Variants in MVB12B observed in about 807,000 individuals in gnomAD.
MVB12B encodes the protein ESCRT-I complex subunit MVB12B.
MVB12B carries 16 observed loss-of-function variants against 41.6 expected under a neutral mutation model. That is an observed-to-expected ratio of 0.38 (90% CI 0.26 to 0.58). The LOEUF (loss-of-function observed/expected upper bound fraction) is 0.58, where lower values mean the gene tolerates loss of function less well. MVB12B is among the 20% of genes least tolerant of loss of function. MVB12B has a pLI of 0.62. For synonymous variants in MVB12B, 133 were observed against 139.7 expected (o/e 0.95, Z 0.34); for missense variants, 274 against 380.2 (o/e 0.72, Z 2.32).
At chr9:126,494,040 G>A (rs1378248395) in intron 9 of MVB12B, among the ~76,000 whole-genome samples, 1 of 152,048 alleles carries the variant, frequency 6.6e-6, no homozygotes, top group Non-Finnish European at 1.5e-5. Context: ...ATGGAAGTTT[G>A]TAGTTTCAAT....
chr9:126,369,251 C>T (rs1294736576), intron 2 of MVB12B, among the ~76,000 whole-genome samples: 1 of 152,188 alleles, frequency 6.6e-6, no homozygotes, highest in Non-Finnish European at 1.5e-5. Flanking sequence ...GTAGCAACTC[C>T]ATTCCTTATG....
intron 2 of MVB12B, among the ~76,000 whole-genome samples, chr9:126,374,457 G>A (rs887290392): frequency 1.3e-5 from 2 of 152,232 alleles, no homozygotes; most frequent in Non-Finnish European, 1.5e-5. Flanking sequence ...ATCATCCTCT[G>A]TGACTGCTGC....
intron 6 of MVB12B, among the ~76,000 whole-genome samples, chr9:126,398,663 C>G (rs1158118873): frequency 6.6e-6 from 1 of 152,136 alleles, no homozygotes; most frequent in African/African-American, 2.4e-5. Flanking sequence ...GACGCAGCGC[C>G]CTCTACTGCC....
rs1830802459 is a variant in MVB12B, at chr9:126,386,631, A to C, written c.382A>C (p.Ile128Leu). Residue 128 changes from isoleucine (I) to leucine (L), a missense_variant, in exon 4 of 10, where the codon ATC (isoleucine) becomes CTC (leucine). Ile to Leu is a conservative substitution (Grantham distance 5). Transcript: ENST00000361171. The surrounding 1 kb of genome is among the most constrained non-coding windows in gnomAD (Gnocchi z 4.3). ...DIKDTLPVGF[I>L]PIQETVDTQE... ...CAAGGACACACTGCCTGTGGGCTTC[A>C]TCCCAATTCAGGAGACGGTGGACAC... is the stretch of plus-strand genomic sequence containing the variant. 1 of 1,613,852 alleles carries C rather than the reference A, an allele frequency of 6.2e-7. No homozygotes were observed. Among genetic ancestry groups the C allele is most frequent in the Non-Finnish European group, 8.5e-7 (1 of 1,179,858 alleles).
intron 1 of MVB12B, among the ~76,000 whole-genome samples, chr9:126,334,419 G>A (rs1337567281): frequency 6.6e-6 from 1 of 152,270 alleles, no homozygotes; most frequent in Non-Finnish European, 1.5e-5. Flanking sequence ...CAAGACCCAT[G>A]TGAAAGTCAG....
chr9:126,470,685 AT>A lies in MVB12B; in HGVS notation c.758-10682del, dbSNP rs1322172077. Among the ~76,000 whole-genome samples the A allele has an allele frequency of 3.4e-5, 5 of 146,410 alleles. No homozygotes were observed. In the East Asian group the frequency reaches 1.1e-3, roughly 31 times the overall value. Reference sequence around the variant, plus strand: ...GTGTGTGTGTGTGTGTGTAATCCAGATTGCTCATGCCAAATAGAACCTCTAA... The same window carrying A: ...GTGTGTGTGTGTGTGTGTAATCCAGATGCTCATGCCAAATAGAACCTCTAA... On this transcript the variant is annotated intron_variant, in intron 7 of 9. Transcript: ENST00000361171.
chr9:126,460,097 A>G (rs1009114403), intron 7 of MVB12B, among the ~76,000 whole-genome samples: 6 of 152,144 alleles, frequency 3.9e-5, no homozygotes, highest in Admixed American at 1.3e-4. Flanking sequence ...GGGGTCCCCA[A>G]ATCAGTTGAC....
chr9:126,326,960 CG>C lies in MVB12B; in HGVS notation c.34del (p.Asp12ThrfsTer57). MRSCFCVRRS[R>X]DPPPPQPPPP... ...AAGCTGCTTCTGCGTGAGACGGAGC[CG>C]GGACCCGCCGCCGCCGCAGCCACCG... On this transcript the variant is annotated frameshift_variant, in exon 1 of 10. Coordinates refer to ENST00000361171, the MANE Select transcript of MVB12B (RefSeq NM_033446.3). LOFTEE classifies it high-confidence loss of function. 7.5e-6 allele frequency: 2 copies of C among 265,758 alleles called. No homozygotes were observed. Among genetic ancestry groups the C allele is most frequent in the South Asian group, 3.1e-5 (1 of 31,946 alleles). 16.5% of individuals were successfully genotyped at this position (265,758 alleles called of 1,614,324 possible). A position where few individuals can be genotyped will look rare whatever the true frequency, so the allele number is the denominator to read the frequency against.
In MVB12B at chr9:126,468,285, A is replaced by G. The variant is rs1564342125; in HGVS notation, c.758-13084A>G. Among the ~76,000 whole-genome samples the G allele has an allele frequency of 6.6e-6, 1 of 151,760 alleles. No homozygotes were observed. The highest frequency in any genetic ancestry group is 2.4e-5 in the African/African-American group (1 of 41,278). On this transcript the variant is annotated intron_variant, in intron 7 of 9. Transcript: ENST00000361171. This position sits in a 1 kb window ranked among gnomAD's most constrained non-coding sequence, Gnocchi z 4.3. ...CCCGCCCGCCAGGCCTCATTTCTGG[A>G]TCTCCACCCGGCAGCCCTCACACAC...
At chr9:126,422,929 G>C (rs904719401) in intron 7 of MVB12B, among the ~76,000 whole-genome samples, 4 of 152,118 alleles carry the variant, frequency 2.6e-5, no homozygotes, top group African/African-American at 9.7e-5. Flanking sequence ...AGAAGGGGAG[G>C]AACAGGGATG....
rs1455984664 is a variant in MVB12B, at chr9:126,504,998, C to T, written c.*1735C>T. Reference sequence around the variant, plus strand: ...GGGGGCACCTATGTCTGCCGTGGCTCCTCGGGTGGTGCCCTGTGTGACAAA... The same window carrying T: ...GGGGGCACCTATGTCTGCCGTGGCTTCTCGGGTGGTGCCCTGTGTGACAAA... On this transcript the variant is annotated 3_prime_UTR_variant, in exon 10 of 10. Coordinates refer to ENST00000361171, the MANE Select transcript of MVB12B (RefSeq NM_033446.3). 6.6e-6 allele frequency: 1 copy of T among 152,266 alleles called. No homozygotes were observed. The allele number at this position is 152,266 out of a possible 1,614,324, so 9.4% of individuals were successfully genotyped here. A position where few individuals can be genotyped will look rare whatever the true frequency, so the allele number is the denominator to read the frequency against.
At chr9:126,380,196 A>G (rs1830595473) in intron 2 of MVB12B, among the ~76,000 whole-genome samples, 1 of 152,144 alleles carries the variant, frequency 6.6e-6, no homozygotes, top group Admixed American at 6.5e-5. Flanking sequence ...CTGACCAGCG[A>G]TTCACAGAGC....
chr9:126,338,223 T>TGC (rs1398199815), intron 1 of MVB12B, among the ~76,000 whole-genome samples: 7 of 152,254 alleles, frequency 4.6e-5, no homozygotes, highest in Admixed American at 1.3e-4. Flanking sequence ...GGAGATGCTC[T>TGC]GCGCGCAGCT....
At chr9:126,356,290 T>C (rs1394986304) in intron 2 of MVB12B, among the ~76,000 whole-genome samples, 1 of 152,218 alleles carries the variant, frequency 6.6e-6, no homozygotes, top group East Asian at 1.9e-4. Flanking sequence ...TCGACATATT[T>C]GCAATACTGA....
At chr9:126,416,356 C>T (rs532624195) in intron 6 of MVB12B, among the ~76,000 whole-genome samples, 12 of 152,280 alleles carry the variant, frequency 7.9e-5, no homozygotes, top group African/African-American at 2.4e-4. Flanking sequence ...CTGGTGCTGG[C>T]GCTGGGATTT....
intron 7 of MVB12B, among the ~76,000 whole-genome samples, chr9:126,466,767 A>G (rs1473751946): frequency 6.6e-6 from 1 of 152,182 alleles, no homozygotes; most frequent in African/African-American, 2.4e-5. Context: ...CAAATTGGAT[A>G]TCAACCCTGG....
intron 9 of MVB12B, among the ~76,000 whole-genome samples, chr9:126,495,876 A>G (rs897964364): frequency 2.0e-5 from 3 of 152,208 alleles, no homozygotes; most frequent in Non-Finnish European, 2.9e-5. Flanking sequence ...CACTGTCTGC[A>G]TAGAGAAACA....
At chr9:126,373,719 A>T (rs1017996435) in intron 2 of MVB12B, among the ~76,000 whole-genome samples, 12 of 152,338 alleles carry the variant, frequency 7.9e-5, no homozygotes, top group African/African-American at 2.9e-4. Context: ...TAGGTGGCTT[A>T]GTTGGATAGC....
intron 7 of MVB12B, among the ~76,000 whole-genome samples, chr9:126,423,889 A>G (rs560767446): frequency 2.6e-5 from 4 of 152,338 alleles, no homozygotes; most frequent in South Asian, 4.1e-4. Context: ...AGGGTTTCCA[A>G]TGGTTTCTTC....
Sources: allele counts gnomAD v4.1 joint callset (sites outside exome capture counted in the v4.1 genomes callset), GRCh38; gene constraint gnomAD v4.1.1; non-coding constraint Gnocchi (gnomAD v3.1); transcripts MANE v1.5; gene names NCBI Gene and HGNC (gene_info 2026-07-23, HGNC 2026-07-21).